HEXB: variants seen among roughly 807,000 people sequenced by gnomAD.
HEXB encodes hexosaminidase subunit beta, also known as beta-hexosaminidase subunit beta.
A neutral mutation model predicts 71.2 loss-of-function variants in HEXB; 51 were observed. That is an observed-to-expected ratio of 0.72 (90% CI 0.57 to 0.90). HEXB has a LOEUF of 0.90. HEXB is among the 40% of genes least tolerant of loss of function. The pLI, the probability that HEXB is intolerant of heterozygous loss-of-function variation, is 0.00. For synonymous variants in HEXB, 266 were observed against 249.3 expected (o/e 1.07, Z -0.63); for missense variants, 617 against 677.0 (o/e 0.91, Z 0.98).
At chr5:74,656,639 C>T (rs190068979) in intron 1 of HEXB, among the ~76,000 whole-genome samples, 2 of 152,350 alleles carry the variant, frequency 1.3e-5, no homozygotes, top group African/African-American at 2.4e-5. Context: ...GAGTCTCCCT[C>T]TTTCGCCCAG....
At chr5:74,645,060 C>A (rs960220763) in intron 1 of HEXB, among the ~76,000 whole-genome samples, 9 of 152,206 alleles carry the variant, frequency 5.9e-5, no homozygotes, top group African/African-American at 2.2e-4. Flanking sequence ...GTGTGAGCCA[C>A]CACTCCTGGC....
chr5:74,646,422 T>G (rs990746101), intron 1 of HEXB, among the ~76,000 whole-genome samples: 1 of 152,178 alleles, frequency 6.6e-6, no homozygotes, highest in African/African-American at 2.4e-5. Flanking sequence ...CTGCTCTTCT[T>G]GCACACCCAA....
rs546892921 is a variant in HEXB at position 74,705,388 on chromosome 5, T to C, written c.771+68T>C. ...ATAGTTTCATTACAAGTTTGTAGCT[T>C]AAATGTTTGTTCTTATGGATAGAAT... On this transcript the variant is annotated intron_variant, in intron 6 of 13. Coordinates refer to ENST00000261416, the MANE Select transcript of HEXB (RefSeq NM_000521.4). The C allele has an allele frequency of 1.9e-5, 17 of 894,528 alleles. No homozygotes were observed. In the East Asian group the frequency reaches 4.1e-4, roughly 22 times the overall value. 55.4% of individuals were successfully genotyped at this position (894,528 alleles called of 1,614,324 possible).
rs537446290 is a variant in HEXB at position 74,692,040 on chromosome 5, G to T, written c.446-1599G>T. Reference sequence around the variant, plus strand: ...TGAATTACAGTCCTGTTTAATATCAGCCAGTTGTCAACTATTAGAAAATAA... The same window carrying T: ...TGAATTACAGTCCTGTTTAATATCATCCAGTTGTCAACTATTAGAAAATAA... On this transcript the variant is annotated intron_variant, in intron 2 of 13. Coordinates refer to ENST00000261416, the MANE Select transcript of HEXB (RefSeq NM_000521.4). Among the ~76,000 whole-genome samples the T allele has an allele frequency of 2.6e-5, 4 of 152,262 alleles. No individual in the cohort carries two copies. The South Asian group carries it at 8.3e-4, about 32-fold the overall frequency.
intron 1 of HEXB, among the ~76,000 whole-genome samples, chr5:74,685,987 T>A (rs1748862668): frequency 6.6e-6 from 1 of 152,076 alleles, no homozygotes; most frequent in Non-Finnish European, 1.5e-5. Flanking sequence ...ATAGGCCAGT[T>A]TCGCCCCCTC....
intron 1 of HEXB, among the ~76,000 whole-genome samples, chr5:74,664,204 C>T (rs1162846799): frequency 2.7e-5 from 4 of 150,116 alleles, no homozygotes; most frequent in South Asian, 2.1e-4. Flanking sequence ...TGCAGTGAGC[C>T]AAGATTGTGC....
intron 5 of HEXB, among the ~76,000 whole-genome samples, chr5:74,701,982 C>T (rs1749271024): frequency 6.6e-6 from 1 of 151,692 alleles, no homozygotes; most frequent in Non-Finnish European, 1.5e-5. Flanking sequence ...TTTATAGGTT[C>T]CACATCCCAT....
intron 7 of HEXB, among the ~76,000 whole-genome samples, chr5:74,714,795 G>A (rs1459634517): frequency 1.3e-5 from 2 of 152,196 alleles, no homozygotes; most frequent in African/African-American, 4.8e-5. Context: ...GTAGACATGG[G>A]GAATAGTGAG....
At chr5:74,688,479 C>T (rs770937187) in intron 1 of HEXB, among the ~76,000 whole-genome samples, 19 of 152,050 alleles carry the variant, frequency 1.2e-4, no homozygotes, top group Non-Finnish European at 2.5e-4. Context: ...GGATTACAGG[C>T]GCCTGCCACC....
chr5:74,698,458 C>T (rs1749170159), intron 5 of HEXB, among the ~76,000 whole-genome samples: 1 of 151,480 alleles, frequency 6.6e-6, no homozygotes, highest in Non-Finnish European at 1.5e-5. Flanking sequence ...GTGGTGCAAT[C>T]TTGGCTCACT....
rs1305531062 is a variant in HEXB at position 74,717,554 on chromosome 5, CTT to C, written c.1170-733_1170-732del. ...GTGCTGCTCTAGAGGGATTGGCAAA[CTT>C]TTTCTGTAAAGGGTCAGAGAGTAAA... On this transcript the variant is annotated intron_variant, in intron 9 of 13. Coordinates refer to ENST00000261416, the MANE Select transcript of HEXB (RefSeq NM_000521.4). Among the ~76,000 whole-genome samples, 7 of 151,476 alleles carry C rather than the reference CTT, an allele frequency of 4.6e-5. No individual in the cohort carries two copies. The East Asian group carries it at 1.2e-3, about 25-fold the overall frequency.
chr5:74,712,754 T>G (rs1201254842), intron 6 of HEXB, among the ~76,000 whole-genome samples: 1 of 152,178 alleles, frequency 6.6e-6, no homozygotes, highest in Non-Finnish European at 1.5e-5. Flanking sequence ...AATCTAGTCT[T>G]GATAGAAATT....
chr5:74,680,709 CAT>C (rs1748722852), upstream of HEXB, among the ~76,000 whole-genome samples: 1 of 152,232 alleles, frequency 6.6e-6, no homozygotes, highest in Non-Finnish European at 1.5e-5. Context: ...AGCAGGTACA[CAT>C]GTTAGGATTC....
intron 7 of HEXB, among the ~76,000 whole-genome samples, chr5:74,714,811 A>T (rs1749633696): frequency 1.3e-5 from 2 of 152,160 alleles, no homozygotes; most frequent in African/African-American, 4.8e-5. Flanking sequence ...GTGAGAGGTA[A>T]ATCTGGAAAA....
chr5:74,664,412 A>C (rs912993153), intron 1 of HEXB, among the ~76,000 whole-genome samples: 2 of 136,194 alleles, frequency 1.5e-5, no homozygotes, highest in African/African-American at 5.6e-5. Flanking sequence ...CTTGGGCAAT[A>C]GAGCAAGATT....
rs1480152070 is a variant in HEXB at position 74,716,691 on chromosome 5, C to T, written c.1169+18C>T. On this transcript the variant is annotated intron_variant, in intron 9 of 13. Transcript: ENST00000261416. Reference sequence around the variant, plus strand: ...ATTCAAAAGTAAGTTGTTTGAAAGCCTATTTCTGTATTAATGCTTTTTGTA... The same window carrying T: ...ATTCAAAAGTAAGTTGTTTGAAAGCTTATTTCTGTATTAATGCTTTTTGTA... 5.5e-6 allele frequency: 8 copies of T among 1,452,214 alleles called. No individual in the cohort carries two copies. The highest frequency in any genetic ancestry group is 7.7e-6 in the Non-Finnish European group (8 of 1,037,354). 90.0% of individuals were successfully genotyped at this position (1,452,214 alleles called of 1,614,324 possible).
upstream of HEXB, among the ~76,000 whole-genome samples, chr5:74,682,519 C>T (rs555409258): frequency 2.0e-5 from 3 of 152,294 alleles, no homozygotes; most frequent in Admixed American, 2.0e-4. Flanking sequence ...AGATATTTAT[C>T]TTATTATTTA....
At chr5:74,676,341 A>G (rs532108314) in intron 1 of HEXB, among the ~76,000 whole-genome samples, 40 of 152,256 alleles carry the variant, frequency 2.6e-4, no homozygotes, top group South Asian at 6.2e-4. Context: ...GTGTCTCACT[A>G]TGTTGCCCAG....
At chr5:74,718,180 A>T in intron 9 of HEXB, 111 bp from the exon 10 acceptor site, 1 of 787,090 alleles carries the variant, frequency 1.3e-6, no homozygotes, top group Non-Finnish European at 2.2e-6. Context: ...GCTGAACTAT[A>T]CTAAAAGGCA....
Sources: allele counts gnomAD v4.1 joint callset (sites outside exome capture counted in the v4.1 genomes callset), GRCh38; gene constraint gnomAD v4.1.1; transcripts MANE v1.5; gene names NCBI Gene and HGNC (gene_info 2026-07-23, HGNC 2026-07-21).